The following CSMD1 variants were observed in gnomAD, a reference collection of about 807,000 sequenced individuals.
The protein encoded by CSMD1 is CUB and Sushi multiple domains 1, also known as CUB and sushi domain-containing protein 1.
CSMD1 carries 213 observed loss-of-function variants against 417.5 expected under a neutral mutation model. The ratio of observed to expected loss-of-function variants is 0.51; its 90% CI spans 0.46 to 0.57. The LOEUF (loss-of-function observed/expected upper bound fraction) is 0.57, where lower values mean the gene tolerates loss of function less well. CSMD1 is among the 20% of genes least tolerant of loss of function. The probability of loss-of-function intolerance (pLI) is 0.00; values close to 1 mark genes in which losing one functional copy is unlikely to be tolerated. For synonymous variants in CSMD1, 2,862 were observed against 1,736.8 expected (o/e 1.65, Z -16.11); for missense variants, 6,923 against 4,529.7 (o/e 1.53, Z -15.17).
intron 7 of CSMD1, among the ~76,000 whole-genome samples, chr8:3,642,229 T>G (rs939525722): frequency 1.3e-5 from 2 of 151,830 alleles, no homozygotes; most frequent in Non-Finnish European, 2.9e-5. Flanking sequence ...TATTAAATGG[T>G]GAAACCCCCA....
intron 1 of CSMD1, among the ~76,000 whole-genome samples, chr8:4,700,958 T>C (rs778741614): frequency 6.6e-6 from 1 of 152,162 alleles, no homozygotes; most frequent in Non-Finnish European, 1.5e-5. Context: ...ACCTTCGGTC[T>C]CCTGCATGTA....
chr8:3,276,872 G>A (rs563921438), intron 26 of CSMD1, among the ~76,000 whole-genome samples: 9 of 152,160 alleles, frequency 5.9e-5, no homozygotes, highest in African/African-American at 1.7e-4. Context: ...CATGTTCTAG[G>A]AAAACAAAGA....
chr8:3,122,523 T>G (rs557799511), intron 41 of CSMD1, among the ~76,000 whole-genome samples: 4 of 152,310 alleles, frequency 2.6e-5, no homozygotes, highest in African/African-American at 9.6e-5. Context: ...AATCTCAACT[T>G]GAATTGTATC....
intron 49 of CSMD1, among the ~76,000 whole-genome samples, chr8:3,054,492 C>G (rs1248253432): frequency 6.6e-6 from 1 of 152,156 alleles, no homozygotes; most frequent in East Asian, 1.9e-4. Context: ...GTGGCACACA[C>G]CTGTTGTCCC....
intron 2 of CSMD1, among the ~76,000 whole-genome samples, chr8:4,464,249 C>T (rs1038678094): frequency 6.6e-6 from 1 of 151,994 alleles, no homozygotes; most frequent in African/African-American, 2.4e-5. Context: ...ACATTAACAT[C>T]TTCCTGCAGT....
chr8:3,054,396 T>C (rs776403305), intron 49 of CSMD1, among the ~76,000 whole-genome samples: 12 of 152,102 alleles, frequency 7.9e-5, no homozygotes, highest in African/African-American at 1.4e-4. Context: ...GGCGGGAGGA[T>C]TGCTTGAGTC....
chr8:3,583,973 C>G (rs887945494), intron 9 of CSMD1, among the ~76,000 whole-genome samples: 1 of 151,876 alleles, frequency 6.6e-6, no homozygotes, highest in Non-Finnish European at 1.5e-5. Context: ...TATGTGAGAG[C>G]ATGGCCTTTG....
At chr8:4,217,298 C>A (rs183632111) in intron 3 of CSMD1, among the ~76,000 whole-genome samples, 1 of 152,324 alleles carries the variant, frequency 6.6e-6, no homozygotes, top group African/African-American at 2.4e-5. Flanking sequence ...AGTGTCCATG[C>A]AAGCACTGTG....
At chr8:4,929,972 T>A (rs1056534651) in intron 1 of CSMD1, among the ~76,000 whole-genome samples, 1 of 152,220 alleles carries the variant, frequency 6.6e-6, no homozygotes, top group Non-Finnish European at 1.5e-5. Flanking sequence ...TGTTGTGAGA[T>A]CAGGAATTTT....
At chr8:3,985,646 C>T (rs1005206808) in intron 5 of CSMD1, among the ~76,000 whole-genome samples, 1 of 152,116 alleles carries the variant, frequency 6.6e-6, no homozygotes, top group African/African-American at 2.4e-5. Flanking sequence ...GTTGCACTCA[C>T]AGAAGCTTGC....
intron 5 of CSMD1, among the ~76,000 whole-genome samples, chr8:3,782,208 G>A (rs577372096): frequency 6.6e-6 from 1 of 152,208 alleles, no homozygotes; most frequent in African/African-American, 2.4e-5. Flanking sequence ...TTCACGGTGC[G>A]GCATAGGACA....
At chr8:4,130,587 T>C (rs1803038701) in intron 3 of CSMD1, among the ~76,000 whole-genome samples, 1 of 152,140 alleles carries the variant, frequency 6.6e-6, no homozygotes. Flanking sequence ...GTTTTCTAAC[T>C]TGCAAAATTG....
At chr8:4,134,689 G>A (rs2680596) in intron 3 of CSMD1, among the ~76,000 whole-genome samples, 146,324 of 152,260 alleles carry the variant, frequency 0.96, 70,580 homozygotes, top group East Asian at 1. Context: ...TACCGCCTTT[G>A]ATTTCTGTGA....
At chr8:4,524,474 G>T (rs1055897612) in intron 2 of CSMD1, among the ~76,000 whole-genome samples, 1 of 152,044 alleles carries the variant, frequency 6.6e-6, no homozygotes, top group Non-Finnish European at 1.5e-5. Flanking sequence ...GCTGAGTGAG[G>T]CCACGTTGGT....
chr8:3,818,795 C>T (rs1030172660), intron 5 of CSMD1, among the ~76,000 whole-genome samples: 2 of 152,160 alleles, frequency 1.3e-5, no homozygotes, highest in Non-Finnish European at 2.9e-5. Flanking sequence ...ACCCGACCTA[C>T]GTCCCTCTTT....
At chr8:4,543,671 G>GAAAA (rs35739254) in intron 2 of CSMD1, among the ~76,000 whole-genome samples, 12 of 57,334 alleles carry the variant, frequency 2.1e-4, no homozygotes, top group African/African-American at 6.5e-4. Context: ...GTTTAATTTT[G>GAAAA]AAAAAAAAAA....
At chr8:4,525,886 T>C (rs1796488956) in intron 2 of CSMD1, among the ~76,000 whole-genome samples, 1 of 152,154 alleles carries the variant, frequency 6.6e-6, no homozygotes. Context: ...CCCACATGCA[T>C]TTATTGAATG....
At chr8:3,553,551 A>C (rs1164413008) in intron 10 of CSMD1, among the ~76,000 whole-genome samples, 5 of 152,190 alleles carry the variant, frequency 3.3e-5, no homozygotes, top group African/African-American at 2.4e-5. Context: ...ACAGACTTGG[A>C]ATATCCAACA....
intron 3 of CSMD1, among the ~76,000 whole-genome samples, chr8:4,403,259 A>G (rs1163185877): frequency 6.6e-6 from 1 of 152,196 alleles, no homozygotes. Context: ...GTTAAAGGCA[A>G]AACAGTCAAC....
Sources: allele counts gnomAD v4.1 joint callset (sites outside exome capture counted in the v4.1 genomes callset), GRCh38; gene constraint gnomAD v4.1.1; transcripts MANE v1.5; gene names NCBI Gene and HGNC (gene_info 2026-07-23, HGNC 2026-07-21).